CILK1: variants seen among roughly 807,000 people sequenced by gnomAD.
CILK1 encodes serine/threonine-protein kinase ICK.
CILK1 carries 47 observed loss-of-function variants against 79.2 expected under a neutral mutation model. That is an observed-to-expected ratio of 0.59 (90% CI 0.47 to 0.76). The LOEUF is 0.76. CILK1 is among the 30% of genes least tolerant of loss of function. The probability of loss-of-function intolerance (pLI) is 0.00; values close to 1 mark genes in which losing one functional copy is unlikely to be tolerated. For synonymous variants in CILK1, 266 were observed against 275.9 expected, an observed-to-expected ratio of 0.96 and a Z score of 0.36; for missense variants, 660 against 769.5, an observed-to-expected ratio of 0.86 and a Z score of 1.68.
intron 5 of CILK1, among the ~76,000 whole-genome samples, 191 bp downstream of exon 5, chr6:53,030,874 C>T (rs1371960175): frequency 1.3e-5 from 2 of 152,164 alleles, no homozygotes; most frequent in African/African-American, 4.8e-5. Flanking sequence ...AACATGCAGA[C>T]ACAATAAGTA....
At position 53,054,449 on chromosome 6, in the gene CILK1, C is replaced by T. The variant is rs574152351; in HGVS notation, c.-173+7147G>A. 5 of 152,360 alleles carry T rather than the reference C, an allele frequency of 3.3e-5. No individual in the cohort carries two copies. In the South Asian group the frequency reaches 1.0e-3, roughly 32 times the overall value. 9.4% of individuals were successfully genotyped at this position (152,360 alleles called of 1,614,324 possible). A position where few individuals can be genotyped will look rare whatever the true frequency, so the allele number is the denominator to read the frequency against. ...GTCTTTGCTATTATTTTCTGTACCA[C>T]CTTGGCTAAGTACCTCAAAATTCTC... On this transcript the variant is annotated intron_variant, in intron 1 of 13. Coordinates refer to ENST00000676107, the MANE Select transcript of CILK1 (RefSeq NM_014920.5).
chr6:53,021,431 G>T (rs147596675), intron 5 of CILK1, among the ~76,000 whole-genome samples: 1,665 of 152,170 alleles, frequency 0.011, 16 homozygotes, highest in East Asian at 0.06. Flanking sequence ...CCTTGCTCCA[G>T]CTTCTCTCCT....
At chr6:53,021,001 G>A (rs1011470937) in intron 5 of CILK1, among the ~76,000 whole-genome samples, 20 of 152,188 alleles carry the variant, frequency 1.3e-4, no homozygotes, top group Non-Finnish European at 2.8e-4. Context: ...ACCCAGTTAT[G>A]AGATTGTGTC....
chr6:53,052,750 T>TA (rs1767570734), intron 1 of CILK1, among the ~76,000 whole-genome samples: 2 of 151,316 alleles, frequency 1.3e-5, no homozygotes, highest in East Asian at 1.9e-4. Flanking sequence ...AATCAATAAA[T>TA]AAAAAATAGG....
At chr6:53,038,305 G>A (rs1332676375) in intron 2 of CILK1, among the ~76,000 whole-genome samples, 3 of 152,208 alleles carry the variant, frequency 2.0e-5, no homozygotes. Context: ...TTAGACCAGA[G>A]CTGTCCAGCA....
intron 7 of CILK1, among the ~76,000 whole-genome samples, chr6:53,017,170 T>C (rs1764937695): frequency 6.6e-6 from 1 of 152,220 alleles, no homozygotes. Context: ...GGAAACTTTC[T>C]TGAAGAGGTG....
intron 5 of CILK1, among the ~76,000 whole-genome samples, chr6:53,030,224 TA>T (rs1472499579): frequency 1.3e-5 from 2 of 152,212 alleles, no homozygotes; most frequent in Non-Finnish European, 2.9e-5. Flanking sequence ...CTGGCCCCCG[TA>T]GAAATGTTTT....
chr6:53,052,475 G>A (rs1767548705), intron 1 of CILK1, among the ~76,000 whole-genome samples: 1 of 152,118 alleles, frequency 6.6e-6, no homozygotes, highest in African/African-American at 2.4e-5. Context: ...GCTCACACCT[G>A]TAATCCCAAC....
At chr6:53,018,661 G>A (rs926223342) in intron 6 of CILK1, among the ~76,000 whole-genome samples, 160 bp from the exon 7 acceptor site, 1 of 152,244 alleles carries the variant, frequency 6.6e-6, no homozygotes, top group Non-Finnish European at 1.5e-5. Flanking sequence ...GCCGTGGGCT[G>A]CTGTTGACAA....
intron 9 of CILK1, among the ~76,000 whole-genome samples, chr6:53,013,230 T>G (rs1480162600): frequency 6.6e-6 from 1 of 152,230 alleles, no homozygotes; most frequent in Non-Finnish European, 1.5e-5. Flanking sequence ...GTGCCAGGTA[T>G]TATTCTAAAT....
At chr6:53,042,073 T>C (rs904148909) in intron 1 of CILK1, among the ~76,000 whole-genome samples, 1 of 152,194 alleles carries the variant, frequency 6.6e-6, no homozygotes, top group Non-Finnish European at 1.5e-5. Context: ...TATGGCAAAA[T>C]TGGTTTTGTT....
intron 13 of CILK1, 152 bp downstream of exon 13, chr6:53,006,163 T>A (rs1191578721): frequency 6.1e-6 from 4 of 659,172 alleles, no homozygotes; most frequent in Non-Finnish European, 1.0e-5. Flanking sequence ...ACTTACTATA[T>A]GTTATATAGC....
chr6:53,005,545 T>G (rs568459768), intron 13 of CILK1, among the ~76,000 whole-genome samples: 1 of 152,310 alleles, frequency 6.6e-6, no homozygotes, highest in South Asian at 2.1e-4. Context: ...TGTCAGGATA[T>G]CCTATTAGTT....
In CILK1 at chr6:53,006,330, G is replaced by C; in HGVS notation, c.1729C>G (p.Pro577Ala). Residue 577 changes from proline (P) to alanine (A), a missense_variant, in exon 13 of 14, where the codon CCA (proline) becomes GCA (alanine). Pro to Ala is a conservative substitution (Grantham distance 27, BLOSUM62 -1). Transcript: ENST00000676107. ...TACAACTCACCAGGGGAAGGGTCTG[G>C]AATAGGTGCTAGGTGTACCCTCTGC... Reference protein sequence around the residue: ...AMQRVHLAPIPDPSPGYSSLK... With the variant: ...AMQRVHLAPIADPSPGYSSLK... 1.2e-6 allele frequency: 2 copies of C among 1,613,768 alleles called. No homozygotes were observed. The highest frequency in any genetic ancestry group is 2.2e-5 in the East Asian group (1 of 44,870).
intron 5 of CILK1, among the ~76,000 whole-genome samples, chr6:53,019,625 C>T (rs1765106255): frequency 6.6e-6 from 1 of 152,030 alleles, no homozygotes; most frequent in Non-Finnish European, 1.5e-5. Context: ...AAATATCAAA[C>T]TGGATTATAG....
intron 1 of CILK1, among the ~76,000 whole-genome samples, chr6:53,051,036 GGA>G (rs990427359): frequency 4.6e-5 from 7 of 152,082 alleles, no homozygotes; most frequent in Non-Finnish European, 8.8e-5. Context: ...TCACGCAGTT[GGA>G]GAGGTGGGAA....
At chr6:53,059,254 A>T (rs1041966165) in intron 1 of CILK1, among the ~76,000 whole-genome samples, 4 of 152,196 alleles carry the variant, frequency 2.6e-5, no homozygotes, top group African/African-American at 7.2e-5. Context: ...TATTTTGCAC[A>T]TGAGATTAAT....
Position 53,018,498 on chromosome 6 carries a change from G to A in CILK1, c.495C>T (p.Tyr165=). 1 of 1,614,056 alleles carries A rather than the reference G, an allele frequency of 6.2e-7. No individual in the cohort carries two copies. The highest frequency in any genetic ancestry group is 1.1e-5 in the South Asian group (1 of 91,076). The part of the protein sequence containing the change: ...PYTDYVSTRW[Y]RAPEVLLRST... The stretch of plus-strand genomic sequence containing the variant: ...ACCTCAGGAGTACTTCTGGAGCCCT[G>A]TACCTGGAGGAACAAAGGTTAACTG... Residue 165 remains tyrosine, a synonymous_variant, in exon 7 of 14, where the codon TAC becomes TAT. Transcript: ENST00000676107.
At chr6:53,008,968 G>A (rs1018448481) in intron 12 of CILK1, among the ~76,000 whole-genome samples, 4 of 152,008 alleles carry the variant, frequency 2.6e-5, no homozygotes, top group Non-Finnish European at 4.4e-5. Flanking sequence ...TCATTCATCC[G>A]TTTAACAAAA....
Sources: allele counts gnomAD v4.1 joint callset (sites outside exome capture counted in the v4.1 genomes callset), GRCh38; gene constraint gnomAD v4.1.1; transcripts MANE v1.5; gene names NCBI Gene and HGNC (gene_info 2026-07-23, HGNC 2026-07-21).